Variants in GPC5 observed in about 807,000 individuals in gnomAD.
The protein encoded by GPC5 is glypican 5, also known as glypican-5.
In GPC5, 47 loss-of-function variants were observed where a neutral mutation model predicts 53.9. The observed-to-expected ratio is 0.87, with a 90% confidence interval of 0.69 to 1.11. The LOEUF (loss-of-function observed/expected upper bound fraction) is 1.11. Among genes scored for constraint, GPC5 ranks in the 50% most tolerant of loss-of-function variants. The probability of loss-of-function intolerance (pLI) is 0.00; values close to 1 mark genes in which losing one functional copy is unlikely to be tolerated. For missense variants in GPC5, 748 were observed against 713.1 expected (o/e 1.05, Z -0.56); for synonymous variants, 286 against 263.3 (o/e 1.09, Z -0.84).
chr13:92,174,865 T>C (rs2042098422), intron 7 of GPC5, among the ~76,000 whole-genome samples: 2 of 152,236 alleles, frequency 1.3e-5, no homozygotes, highest in South Asian at 2.1e-4. Context: ...ACCTTCATTT[T>C]TGAGACAGAG....
At chr13:91,571,892 T>TGTGTGTACACACAC (rs1566516035) in intron 2 of GPC5, among the ~76,000 whole-genome samples, 1 of 73,056 alleles carries the variant, frequency 1.4e-5, no homozygotes, top group African/African-American at 1.0e-4. Flanking sequence ...TATACGTGTG[T>TGTGTGTACACACAC]ATATACACAT....
chr13:91,684,153 A>C (rs2035570076), intron 2 of GPC5, among the ~76,000 whole-genome samples: 1 of 151,954 alleles, frequency 6.6e-6, no homozygotes, highest in Admixed American at 6.6e-5. Context: ...CTGGCTTCTT[A>C]TTCTAATTCT....
At chr13:91,459,606 G>A (rs1431093234) in intron 2 of GPC5, among the ~76,000 whole-genome samples, 1 of 152,056 alleles carries the variant, frequency 6.6e-6, no homozygotes. Flanking sequence ...GAGTCTCCAA[G>A]TCTGTTGGTA....
At chr13:92,144,659 C>T (rs902399340) in intron 6 of GPC5, among the ~76,000 whole-genome samples, 171 bp from the exon 7 acceptor site, 2 of 152,052 alleles carry the variant, frequency 1.3e-5, no homozygotes, top group Non-Finnish European at 2.9e-5. Flanking sequence ...AAGACTTTGC[C>T]CGCTATTTAT....
intron 7 of GPC5, among the ~76,000 whole-genome samples, chr13:92,464,704 T>C (rs1878623021): frequency 6.6e-6 from 1 of 152,004 alleles, no homozygotes; most frequent in Non-Finnish European, 1.5e-5. Flanking sequence ...ATATTGTTAT[T>C]AATAGAAATA....
chr13:92,704,730 G>A (rs931652740), intron 7 of GPC5, among the ~76,000 whole-genome samples: 2 of 151,374 alleles, frequency 1.3e-5, no homozygotes, highest in African/African-American at 4.9e-5. Context: ...TTGCATCATC[G>A]GGCATATGCA....
chr13:92,203,013 A>C (rs2042305952), intron 7 of GPC5, among the ~76,000 whole-genome samples: 1 of 152,228 alleles, frequency 6.6e-6, no homozygotes, highest in Non-Finnish European at 1.5e-5. Flanking sequence ...TGATTTTAGA[A>C]ATCAAGCAAC....
At chr13:92,129,212 T>C (rs2041724313) in intron 6 of GPC5, among the ~76,000 whole-genome samples, 1 of 152,196 alleles carries the variant, frequency 6.6e-6, no homozygotes, top group African/African-American at 2.4e-5. Flanking sequence ...TAATGACTAA[T>C]GAAGTAGTTC....
At chr13:91,978,815 T>C (rs2040331608) in intron 6 of GPC5, among the ~76,000 whole-genome samples, 1 of 152,222 alleles carries the variant, frequency 6.6e-6, no homozygotes, top group Non-Finnish European at 1.5e-5. Context: ...GGCAGGATGA[T>C]TGACTGAGTA....
At chr13:91,760,008 G>A (rs2037376379) in intron 5 of GPC5, among the ~76,000 whole-genome samples, 1 of 152,056 alleles carries the variant, frequency 6.6e-6, no homozygotes, top group Admixed American at 6.6e-5. Flanking sequence ...AGGGGGCAGG[G>A]AGGTCTTTTA....
rs1445942910 is a variant in GPC5, at chr13:91,399,093, T to C, written c.47T>C (p.Leu16Pro). The C allele has an allele frequency of 6.3e-7, 1 of 1,596,066 alleles. No individual in the cohort carries two copies. Residue 16 changes from leucine (L) to proline (P), a missense_variant, in exon 1 of 8, where the codon CTG (leucine) becomes CCG (proline). Leu to Pro is a moderately conservative substitution (Grantham distance 98). Coordinates refer to ENST00000377067, the MANE Select transcript of GPC5 (RefSeq NM_004466.6). ...WPVGFRCLLL[L>P]ALVGSARSEG... ...GTGGGCTTTCGCTGCCTCCTCCTTC[T>C]GGCCCTGGTTGGGTCCGCCCGCAGC...
chr13:92,417,683 G>C (rs1233216136), intron 7 of GPC5, among the ~76,000 whole-genome samples: 1 of 152,046 alleles, frequency 6.6e-6, no homozygotes, highest in African/African-American at 2.4e-5. Flanking sequence ...GGCCAACCTG[G>C]ACAACATGGA....
At chr13:91,415,921 T>A (rs927758287) in intron 1 of GPC5, among the ~76,000 whole-genome samples, 5 of 152,208 alleles carry the variant, frequency 3.3e-5, no homozygotes, top group Non-Finnish European at 5.9e-5. Flanking sequence ...CACATTAATT[T>A]TTTTTACAAA....
chr13:92,447,144 C>T (rs1877861212), intron 7 of GPC5: 1 of 151,976 alleles, frequency 6.6e-6, no homozygotes, highest in Admixed American at 6.6e-5. Context: ...TAGATGTGGT[C>T]CCATTTGTCC....
chr13:92,371,653 G>A (rs1316612599), intron 7 of GPC5, among the ~76,000 whole-genome samples: 13 of 152,182 alleles, frequency 8.5e-5, no homozygotes, highest in Admixed American at 8.5e-4. Context: ...CAGCAGGAAG[G>A]AGAAGTGCTA....
intron 4 of GPC5, among the ~76,000 whole-genome samples, chr13:91,746,756 T>C (rs1351249048): frequency 6.6e-6 from 1 of 152,206 alleles, no homozygotes; most frequent in East Asian, 1.9e-4. Flanking sequence ...CTTAATGAAA[T>C]ATTTTCATAG....
intron 7 of GPC5, among the ~76,000 whole-genome samples, chr13:92,468,572 G>A (rs1446515233): frequency 6.6e-6 from 1 of 152,026 alleles, no homozygotes; most frequent in Non-Finnish European, 1.5e-5. Flanking sequence ...TGATTATTTG[G>A]AAACTATTTG....
At chr13:92,599,505 A>G (rs1325648601) in intron 7 of GPC5, among the ~76,000 whole-genome samples, 3 of 152,212 alleles carry the variant, frequency 2.0e-5, no homozygotes, top group South Asian at 2.1e-4. Context: ...CAAGCAGGAC[A>G]TACTAGAAGT....
At chr13:91,877,525 A>G (rs1208489605) in intron 5 of GPC5, among the ~76,000 whole-genome samples, 2 of 152,154 alleles carry the variant, frequency 1.3e-5, no homozygotes, top group African/African-American at 4.8e-5. Context: ...GGGCCCTGTA[A>G]CGTCTTTGTT....
Sources: gnomAD v4.1 joint callset for allele counts (sites outside exome capture counted in the v4.1 genomes callset) on GRCh38, gnomAD v4.1.1 for gene constraint, MANE v1.5 for transcripts, NCBI Gene and HGNC (gene_info 2026-07-23, HGNC 2026-07-21) for gene names.